Variants in DST observed in about 807,000 individuals in gnomAD.
DST encodes the protein dystonin.
Under a neutral mutation model 875.2 loss-of-function variants are expected in DST, and 253 were observed. The ratio of observed to expected loss-of-function variants is 0.29; its 90% CI spans 0.26 to 0.32. DST has a LOEUF of 0.32. DST is among the 10% of genes least tolerant of loss of function. DST has a pLI of 1.00. For synonymous variants in DST, 3,124 were observed against 3,197.1 expected (o/e 0.98, Z 0.77); for missense variants, 8,287 against 9,111.6 (o/e 0.91, Z 3.68).
In DST at chr6:56,603,614, A is replaced by G. The variant is rs759173960; in HGVS notation, c.10891T>C (p.Ser3631Pro). The change falls in exon 41 of 104, where the codon TCT becomes CCT. Residue 3631 changes from serine to proline, a missense_variant. Physicochemically the swap from Ser to Pro is moderately conservative, Grantham distance 74. Coordinates refer to ENST00000680361, the MANE Select transcript of DST (RefSeq NM_001374736.1). The stretch of plus-strand genomic sequence containing the variant: ...AAAGCTTCCAAGTTGTTATCCAGAG[A>G]TTCCTGGTTGTCTAAGGGGGGTTTC... ...DMKPPLDNQESLDNNLEALKN... is the reference protein window; with the variant it reads ...DMKPPLDNQEPLDNNLEALKN... The G allele has an allele frequency of 7.5e-6, 12 of 1,610,730 alleles. No individual in the cohort carries two copies. The highest frequency in any genetic ancestry group is 1.0e-5 in the Non-Finnish European group (12 of 1,178,854).
chr6:56,634,073 A>C, intron 27 of DST, 59 bp downstream of exon 27: 1 of 1,597,976 alleles, frequency 6.3e-7, no homozygotes, highest in Non-Finnish European at 8.6e-7. Context: ...TCTACGACAC[A>C]TATGAAAAGG....
At chr6:56,598,163 C>T (rs1007270878) in intron 46 of DST, among the ~76,000 whole-genome samples, 157 bp from the exon 47 acceptor site, 3 of 152,188 alleles carry the variant, frequency 2.0e-5, no homozygotes, top group African/African-American at 7.2e-5. Context: ...AACCTCAGAG[C>T]AACAGGCAGT....
intron 49 of DST, among the ~76,000 whole-genome samples, chr6:56,583,810 C>T (rs1038161451): frequency 6.6e-6 from 1 of 152,242 alleles, no homozygotes; most frequent in Non-Finnish European, 1.5e-5. Context: ...CAGCTTTCTA[C>T]ATATGGCTAG....
intron 49 of DST, among the ~76,000 whole-genome samples, chr6:56,583,237 C>T (rs1390547674): frequency 6.6e-6 from 1 of 152,196 alleles, no homozygotes; most frequent in Non-Finnish European, 1.5e-5. Context: ...TCCTATTTCT[C>T]CACAGCCTCT....
chr6:56,698,983 C>T (rs1178513588), intron 9 of DST, among the ~76,000 whole-genome samples: 8 of 152,160 alleles, frequency 5.3e-5, no homozygotes, highest in Admixed American at 5.2e-4. Flanking sequence ...CCTCTAGTAG[C>T]AGAACATTTC....
intron 66 of DST, 76 bp from the exon 67 acceptor site, chr6:56,529,001 A>G: frequency 1.1e-6 from 1 of 910,160 alleles, no homozygotes; most frequent in African/African-American, 1.7e-5. Context: ...ATCTCAGAGA[A>G]CTTTAATTAG....
intron 3 of DST, among the ~76,000 whole-genome samples, chr6:56,852,732 T>G (rs576054541): frequency 6.6e-6 from 1 of 152,218 alleles, no homozygotes; most frequent in African/African-American, 2.4e-5. Context: ...TCGCTGAGAC[T>G]CATGGTAAAG....
intron 49 of DST, among the ~76,000 whole-genome samples, chr6:56,591,547 C>A (rs2098272042): frequency 6.6e-6 from 1 of 151,934 alleles, no homozygotes; most frequent in Admixed American, 6.5e-5. Context: ...GAGCTTAATT[C>A]TAATGGAGGA....
At chr6:56,590,644 A>T (rs1237809081) in intron 49 of DST, among the ~76,000 whole-genome samples, 1 of 152,176 alleles carries the variant, frequency 6.6e-6, no homozygotes, top group Non-Finnish European at 1.5e-5. Context: ...GAAAATGCAC[A>T]TTGGAAAAAA....
Position 56,917,895 on chromosome 6 carries a change from G to C in DST, c.217-17274C>G, listed in dbSNP as rs569501090. On this transcript the variant is annotated intron_variant, in intron 2 of 103. Transcript: ENST00000680361. The stretch of plus-strand genomic sequence containing the variant: ...GAAAATTTCAGAAAAAAACAAATTA[G>C]AAACTAAATCCACCTAAAATTGCAA... Among the ~76,000 whole-genome samples, 37 of 152,160 alleles carry C rather than the reference G, an allele frequency of 2.4e-4. 1 individual carries two copies. The South Asian group carries it at 7.7e-3, about 32-fold the overall frequency.
chr6:56,467,393 G>C (rs1171404592), intron 98 of DST: 1 of 152,094 alleles, frequency 6.6e-6, no homozygotes, highest in Non-Finnish European at 1.5e-5. Context: ...CATGTAAAAT[G>C]CACCAGCAGG....
chr6:56,799,388 TA>T (rs2099744118), intron 4 of DST, among the ~76,000 whole-genome samples: 1 of 151,044 alleles, frequency 6.6e-6, no homozygotes, highest in South Asian at 2.1e-4. Flanking sequence ...ATACTATAGC[TA>T]AATCTTTCAA....
At position 56,535,102 on chromosome 6, in the gene DST, C is replaced by G. The variant is rs751522076; in HGVS notation, c.16941+20G>C. The G allele has an allele frequency of 2.5e-6, 4 of 1,609,838 alleles. No homozygotes were observed. The highest frequency in any genetic ancestry group is 1.3e-5 in the African/African-American group (1 of 74,696). Reference sequence around the variant, plus strand: ...TTAAGATTTAATATGAAACGCAATACAAAAGCATGACTAACTTACCTTTTG... The same window carrying G: ...TTAAGATTTAATATGAAACGCAATAGAAAAGCATGACTAACTTACCTTTTG... On this transcript the variant is annotated intron_variant, in intron 63 of 103. Coordinates refer to ENST00000680361, the MANE Select transcript of DST (RefSeq NM_001374736.1).
chr6:56,948,102 T>C (rs1448729560), intron 2 of DST, among the ~76,000 whole-genome samples: 1 of 152,246 alleles, frequency 6.6e-6, no homozygotes, highest in Non-Finnish European at 1.5e-5. Context: ...CCTGTGGCCA[T>C]AACTTTTACA....
chr6:56,644,666 G>C (rs1587657071), intron 15 of DST, among the ~76,000 whole-genome samples: 1 of 152,202 alleles, frequency 6.6e-6, no homozygotes, highest in Non-Finnish European at 1.5e-5. Flanking sequence ...CAAGATATCT[G>C]AACTAGCCTA....
At chr6:56,583,565 T>C (rs1206596421) in intron 49 of DST, among the ~76,000 whole-genome samples, 1 of 152,178 alleles carries the variant, frequency 6.6e-6, no homozygotes, top group Non-Finnish European at 1.5e-5. Context: ...ACTCTGATGG[T>C]AGTTTCTTTT....
intron 4 of DST, among the ~76,000 whole-genome samples, chr6:56,847,059 A>G (rs991079416): frequency 6.6e-6 from 1 of 150,596 alleles, no homozygotes; most frequent in Non-Finnish European, 1.5e-5. Flanking sequence ...GCTCACTCCT[A>G]TAATCCCAAC....
chr6:56,585,464 G>A (rs1162248898), intron 49 of DST, among the ~76,000 whole-genome samples: 65 of 150,778 alleles, frequency 4.3e-4, no homozygotes, highest in South Asian at 1.3e-3. Flanking sequence ...TTTTTATTGC[G>A]TCTATTTGAT....
rs1313671765 is a variant in DST at position 56,501,054 on chromosome 6, C to T, written c.19896+26G>A. The T allele has an allele frequency of 2.5e-6, 4 of 1,604,004 alleles. No individual in the cohort carries two copies. The South Asian group carries it at 3.4e-5, about 13-fold the overall frequency. ...ACACTAGAAATGGACAGAGAAGAAA[C>T]ATAACATGCATTAACAGCTACGTAC... On this transcript the variant is annotated intron_variant, in intron 80 of 103. Coordinates refer to ENST00000680361, the MANE Select transcript of DST (RefSeq NM_001374736.1).
Sources: allele counts gnomAD v4.1 joint callset (sites outside exome capture counted in the v4.1 genomes callset), GRCh38; gene constraint gnomAD v4.1.1; transcripts MANE v1.5; gene names NCBI Gene and HGNC (gene_info 2026-07-23, HGNC 2026-07-21).